The following LMBR1 variants were observed in gnomAD, a reference collection of about 807,000 sequenced individuals.
The protein encoded by LMBR1 is limb development membrane protein 1.
Under a neutral mutation model 73.9 loss-of-function variants are expected in LMBR1, and 52 were observed. The observed-to-expected ratio is 0.70, with a 90% CI of 0.56 to 0.89. The LOEUF is 0.89. Ranked by LOEUF, LMBR1 falls within the 40% of genes least tolerant of loss-of-function variation. The pLI is 0.00. For synonymous variants in LMBR1, 215 were observed against 209.4 expected (o/e 1.03, Z -0.23); for missense variants, 539 against 579.8 (o/e 0.93, Z 0.72).
At chr7:156,804,597 AAAT>A (rs1831659085) in intron 4 of LMBR1, among the ~76,000 whole-genome samples, 1 of 152,194 alleles carries the variant, frequency 6.6e-6, no homozygotes, top group African/African-American at 2.4e-5. Flanking sequence ...TTTATCTAAT[AAAT>A]AATGATGTGA....
At position 156,754,864 on chromosome 7, in the gene LMBR1, T is replaced by C. The variant is rs1048554777; in HGVS notation, c.757+1529A>G. Among the ~76,000 whole-genome samples, 6 of 152,208 alleles carry C rather than the reference T, an allele frequency of 3.9e-5. No homozygotes were observed. The East Asian group carries it at 5.8e-4, about 15-fold the overall frequency. ...ATTAGTCAAAATGTCCATTTTGCCATAGAACCATTTATGTTATAAACATAA... is the reference window on the plus strand; with the variant it reads ...ATTAGTCAAAATGTCCATTTTGCCACAGAACCATTTATGTTATAAACATAA... On this transcript the variant is annotated intron_variant, in intron 9 of 16. Coordinates refer to ENST00000353442, the MANE Select transcript of LMBR1 (RefSeq NM_022458.4).
rs577202525 is a variant in LMBR1, at chr7:156,728,649, C to T, written c.910G>A (p.Glu304Lys). 6.3e-7 allele frequency: 1 copy of T among 1,589,706 alleles called. No individual in the cohort carries two copies. Among genetic ancestry groups the T allele is most frequent in the Non-Finnish European group, 8.5e-7 (1 of 1,173,204 alleles). The change falls in exon 11 of 17, where the codon GAG (glutamate) becomes AAG (lysine). Residue 304 changes from glutamate to lysine, a missense_variant. Physicochemically the swap from Glu to Lys is moderately conservative, Grantham distance 56 (BLOSUM62 1). Transcript: ENST00000353442. ...YPAVMVLLLI[E>K]TSISVLLVAC... ...CTAGGCAAATAAATTCTTACTGTCT[C>T]AATAAGAAGGAGAACCATAACAGCG...
At chr7:156,738,426 T>G (rs1181380212) in intron 9 of LMBR1, among the ~76,000 whole-genome samples, 1 of 152,070 alleles carries the variant, frequency 6.6e-6, no homozygotes, top group Non-Finnish European at 1.5e-5. Flanking sequence ...GAACTGCAAT[T>G]CCTAGGCAAG....
chr7:156,866,287 T>C (rs572045763), intron 1 of LMBR1, among the ~76,000 whole-genome samples: 1 of 152,174 alleles, frequency 6.6e-6, no homozygotes, highest in Non-Finnish European at 1.5e-5. Flanking sequence ...CAGGATATGT[T>C]TGCTATAACA....
In LMBR1 at chr7:156,680,211, G is replaced by A. The variant is rs1006835597; in HGVS notation, c.*3867C>T. The A allele has an allele frequency of 1.3e-5, 2 of 151,386 alleles. No homozygotes were observed. The highest frequency in any genetic ancestry group is 2.9e-5 in the Non-Finnish European group (2 of 67,914). 9.4% of individuals were successfully genotyped at this position (151,386 alleles called of 1,614,324 possible). A position where few individuals can be genotyped will look rare whatever the true frequency, so the allele number is the denominator to read the frequency against. On this transcript the variant is annotated 3_prime_UTR_variant, in exon 17 of 17. Transcript: ENST00000353442. ...TTCTTCTTTTAAACCACATTCCAAA[G>A]GGATGCTTTTCAAACTGAAGTCTGC... is the stretch of plus-strand genomic sequence containing the variant.
chr7:156,743,277 C>CT (rs1479003881), intron 9 of LMBR1, among the ~76,000 whole-genome samples: 1 of 152,130 alleles, frequency 6.6e-6, no homozygotes, highest in Non-Finnish European at 1.5e-5. Context: ...AAACTGGTTA[C>CT]TTAAGTCCGC....
intron 4 of LMBR1, among the ~76,000 whole-genome samples, chr7:156,817,381 T>A (rs1425185760): frequency 6.6e-6 from 1 of 152,136 alleles, no homozygotes; most frequent in Non-Finnish European, 1.5e-5. Flanking sequence ...ACACAATTTT[T>A]AAAAATTCTA....
At chr7:156,770,531 T>C (rs886734421) in intron 5 of LMBR1, among the ~76,000 whole-genome samples, 1 of 152,050 alleles carries the variant, frequency 6.6e-6, no homozygotes. Context: ...TGAGTTTTAT[T>C]ATGAAAGAAA....
At chr7:156,785,110 T>C (rs1827841040) in intron 5 of LMBR1, among the ~76,000 whole-genome samples, 1 of 152,078 alleles carries the variant, frequency 6.6e-6, no homozygotes, top group Non-Finnish European at 1.5e-5. Context: ...TACTTTGGAA[T>C]GATACAAAAC....
chr7:156,697,115 A>G (rs1489631621), intron 15 of LMBR1, among the ~76,000 whole-genome samples: 1 of 152,208 alleles, frequency 6.6e-6, no homozygotes, highest in Non-Finnish European at 1.5e-5. Context: ...ATCACATATC[A>G]GTAGGACCGT....
chr7:156,757,192 A>G (rs766061710), intron 8 of LMBR1, among the ~76,000 whole-genome samples: 2 of 152,272 alleles, frequency 1.3e-5, no homozygotes, highest in Admixed American at 6.5e-5. Flanking sequence ...GCCCAAGCCA[A>G]TATTTTAGAG....
chr7:156,816,060 T>G (rs928644822), intron 4 of LMBR1, among the ~76,000 whole-genome samples: 1 of 152,062 alleles, frequency 6.6e-6, no homozygotes, highest in African/African-American at 2.4e-5. Context: ...GATGTCAAAG[T>G]TAAAAAAATA....
At chr7:156,813,347 A>G (rs2133639122) in intron 4 of LMBR1, among the ~76,000 whole-genome samples, 1 of 152,318 alleles carries the variant, frequency 6.6e-6, no homozygotes, top group East Asian at 1.9e-4. Flanking sequence ...TTTGCTGATC[A>G]TAGAAAAAAT....
At chr7:156,718,808 G>A (rs915055395) in intron 15 of LMBR1, among the ~76,000 whole-genome samples, 27 of 151,678 alleles carry the variant, frequency 1.8e-4, no homozygotes, top group African/African-American at 5.6e-4. Flanking sequence ...AGACCCTTAC[G>A]ATCATTTGTC....
intron 2 of LMBR1, among the ~76,000 whole-genome samples, chr7:156,836,595 T>C (rs1032260525): frequency 3.3e-5 from 5 of 152,204 alleles, no homozygotes; most frequent in African/African-American, 7.2e-5. Context: ...GACATAAGAA[T>C]TGTGATAAAC....
At chr7:156,721,962 T>G (rs867916973) in intron 15 of LMBR1, among the ~76,000 whole-genome samples, 2 of 152,190 alleles carry the variant, frequency 1.3e-5, no homozygotes, top group Middle Eastern at 6.8e-3. Context: ...GGGCAAATGT[T>G]TAAAAAAGAA....
intron 1 of LMBR1, among the ~76,000 whole-genome samples, chr7:156,873,006 G>C (rs1304208001): frequency 6.6e-6 from 1 of 152,168 alleles, no homozygotes; most frequent in African/African-American, 2.4e-5. Context: ...GAGTGTTACA[G>C]CTCTTAAGGT....
chr7:156,726,586 T>C (rs966596283), intron 12 of LMBR1, among the ~76,000 whole-genome samples: 14 of 152,192 alleles, frequency 9.2e-5, no homozygotes, highest in African/African-American at 3.1e-4. Context: ...TCAGCACAGA[T>C]TACATCTAAT....
chr7:156,757,508 C>CTAAA lies in LMBR1; in HGVS notation c.685-1047_685-1044dup, dbSNP rs1447020044. Among the ~76,000 whole-genome samples, 3 of 152,110 alleles carry CTAAA rather than the reference C, an allele frequency of 2.0e-5. No individual in the cohort carries two copies. In the East Asian group the frequency reaches 5.8e-4, roughly 29 times the overall value. ...GATATTGTCTGCACTGTTAAAAATC[C>CTAAA]TAAAATTGATTTAATTCTAGTTTTG... is the stretch of plus-strand genomic sequence containing the variant. On this transcript the variant is annotated intron_variant, in intron 8 of 16. Transcript: ENST00000353442.
Sources: gnomAD v4.1 joint callset for allele counts (sites outside exome capture counted in the v4.1 genomes callset) on GRCh38, gnomAD v4.1.1 for gene constraint, MANE v1.5 for transcripts, NCBI Gene and HGNC (gene_info 2026-07-23, HGNC 2026-07-21) for gene names.